ZHX2: variants seen among roughly 807,000 people sequenced by gnomAD.
ZHX2 encodes the protein zinc fingers and homeoboxes 2.
A neutral mutation model predicts 21.9 loss-of-function variants in ZHX2; 6 were observed. That is an observed-to-expected ratio of 0.27 (90% confidence interval 0.15 to 0.54). The LOEUF (loss-of-function observed/expected upper bound fraction) is 0.54, where lower values mean the gene tolerates loss of function less well. Ranked by LOEUF, ZHX2 falls within the 20% of genes least tolerant of loss-of-function variation. ZHX2 has a pLI of 0.95. For synonymous variants in ZHX2, 434 were observed against 437.1 expected (o/e 0.99, Z 0.09); for missense variants, 908 against 1,090.7 (o/e 0.83, Z 2.36).
intron 2 of ZHX2, among the ~76,000 whole-genome samples, chr8:122,881,146 C>T (rs934442026): frequency 2.0e-5 from 3 of 152,154 alleles, no homozygotes; most frequent in East Asian, 1.9e-4. Context: ...CTGCAGGATC[C>T]GTGCGGGAGC....
In ZHX2 at chr8:122,951,442, G is replaced by A. The variant is rs759735795; in HGVS notation, c.-69G>A. On this transcript the variant is annotated 5_prime_UTR_variant, in exon 3 of 4. Coordinates refer to ENST00000314393, the MANE Select transcript of ZHX2 (RefSeq NM_014943.5). ...AAGCCAAAAGCCTTTCACCTTATTC[G>A]TTCCAAGAATCTCACCGCCCCCTCC... The A allele has an allele frequency of 1.8e-4, 248 of 1,397,192 alleles. No homozygotes were observed. The highest frequency in any genetic ancestry group is 9.0e-5 in the Admixed American group (4 of 44,648). 86.5% of individuals were successfully genotyped at this position (1,397,192 alleles called of 1,614,324 possible).
At position 122,910,032 on chromosome 8, in the gene ZHX2, C is replaced by T. The variant is rs182561648; in HGVS notation, c.-219-41260C>T. Among the ~76,000 whole-genome samples, 155 of 152,140 alleles carry T rather than the reference C, an allele frequency of 1.0e-3. 1 individual carries two copies. Among genetic ancestry groups the T allele is most frequent in the Non-Finnish European group, 1.1e-3 (76 of 68,010 alleles). ...TGCCCCTGAGCCTCTGCTGTTCTGT[C>T]TACTCAGACATCCTCCTTCCCTCTC... On this transcript the variant is annotated intron_variant, in intron 2 of 3. Coordinates refer to ENST00000314393, the MANE Select transcript of ZHX2 (RefSeq NM_014943.5).
chr8:122,894,097 C>T (rs1344041580), intron 2 of ZHX2, among the ~76,000 whole-genome samples: 3 of 152,222 alleles, frequency 2.0e-5, no homozygotes, highest in South Asian at 4.1e-4. Flanking sequence ...GAAGTGCCTA[C>T]AAGTGCTTTA....
At position 122,782,502 on chromosome 8, in the gene ZHX2, C is replaced by A. The variant is rs372582313; in HGVS notation, c.-283+556C>A. 6.6e-6 allele frequency among the ~76,000 whole-genome samples: 1 copy of A among 152,068 alleles called. No individual in the cohort carries two copies. Among genetic ancestry groups the A allele is most frequent in the Non-Finnish European group, 1.5e-5 (1 of 67,978 alleles). On this transcript the variant is annotated intron_variant, in intron 1 of 3. Coordinates refer to ENST00000314393, the MANE Select transcript of ZHX2 (RefSeq NM_014943.5). This position sits in a 1 kb window ranked among gnomAD's most constrained non-coding sequence, Gnocchi z 5.3. ...AGGCGGGGGGCTGCGTGTGTCTGCT[C>A]CCCTCCCTCCCCCTCTCCCCTCGCT... is the stretch of plus-strand genomic sequence containing the variant.
At chr8:122,958,387 T>C (rs916912509) in intron 3 of ZHX2, among the ~76,000 whole-genome samples, 3 of 152,196 alleles carry the variant, frequency 2.0e-5, no homozygotes, top group African/African-American at 7.2e-5. Context: ...TTCAGAAAAA[T>C]GAGTCAACGT....
At chr8:122,897,015 A>G (rs1220539353) in intron 2 of ZHX2, among the ~76,000 whole-genome samples, 2 of 152,214 alleles carry the variant, frequency 1.3e-5, no homozygotes, top group Non-Finnish European at 2.9e-5. Flanking sequence ...CCAGATACCT[A>G]GGGTATGGGA....
At chr8:122,825,141 A>G (rs1471442652) in intron 1 of ZHX2, among the ~76,000 whole-genome samples, 3 of 152,200 alleles carry the variant, frequency 2.0e-5, no homozygotes, top group Non-Finnish European at 4.4e-5. Context: ...CAAGTTCTGG[A>G]GATTGGAATG....
intron 1 of ZHX2, among the ~76,000 whole-genome samples, chr8:122,847,989 T>A (rs2130731662): frequency 1.3e-5 from 2 of 152,280 alleles, no homozygotes; most frequent in South Asian, 4.1e-4. Flanking sequence ...TCCAAACTCA[T>A]CTTGGACAAG....
chr8:122,825,290 C>G (rs918833620), intron 1 of ZHX2, among the ~76,000 whole-genome samples: 1 of 152,168 alleles, frequency 6.6e-6, no homozygotes, highest in Admixed American at 6.5e-5. Context: ...TGTCACAGTA[C>G]TTGTCACATT....
intron 2 of ZHX2, among the ~76,000 whole-genome samples, chr8:122,887,490 C>G (rs1819872870): frequency 6.6e-6 from 1 of 152,060 alleles, no homozygotes; most frequent in Non-Finnish European, 1.5e-5. Flanking sequence ...TGCACTCCAG[C>G]CTGGGTGACA....
chr8:122,803,896 G>A (rs571999896), intron 1 of ZHX2, among the ~76,000 whole-genome samples: 2 of 152,260 alleles, frequency 1.3e-5, no homozygotes, highest in Admixed American at 6.5e-5. Flanking sequence ...TGGGCGGCCT[G>A]TTTGAGACTC....
At chr8:122,879,183 G>T (rs968614060) in intron 2 of ZHX2, among the ~76,000 whole-genome samples, 2 of 152,140 alleles carry the variant, frequency 1.3e-5, no homozygotes, top group South Asian at 4.1e-4. Context: ...TGAAAGAAAG[G>T]CCTAAGGGTT....
At chr8:122,820,474 C>T (rs1044639368) in intron 1 of ZHX2, among the ~76,000 whole-genome samples, 6 of 152,186 alleles carry the variant, frequency 3.9e-5, no homozygotes, top group Admixed American at 2.6e-4. Context: ...CCTCCCTCCC[C>T]TTCAAGCTTG....
At position 122,953,632 on chromosome 8, in the gene ZHX2, G is replaced by A. The variant is rs780778395; in HGVS notation, c.2122G>A (p.Val708Ile). Residue 708 changes from valine (V) to isoleucine (I), a missense_variant, in exon 3 of 4, where the codon GTA (valine) becomes ATA (isoleucine). Physicochemically the swap from Val to Ile is conservative, Grantham distance 29. Transcript: ENST00000314393. This position sits in a 1 kb window ranked among gnomAD's most constrained non-coding sequence, Gnocchi z 4.6. ...GGCAGATGATCACGGCTACGATGCCGTAGCAAGGAAAGCAACAAAACCCAT... is the reference window on the plus strand; with the variant it reads ...GGCAGATGATCACGGCTACGATGCCATAGCAAGGAAAGCAACAAAACCCAT... ...PMADDHGYDA[V>I]ARKATKPMAE... 95 of 1,614,082 alleles carry A rather than the reference G, an allele frequency of 5.9e-5. 1 individual carries two copies. The highest frequency in any genetic ancestry group is 4.9e-4 in the Middle Eastern group (3 of 6,084).
chr8:122,876,757 T>C (rs1001724612), intron 2 of ZHX2, among the ~76,000 whole-genome samples: 1 of 152,230 alleles, frequency 6.6e-6, no homozygotes, highest in African/African-American at 2.4e-5. Flanking sequence ...CTTCCCGTCT[T>C]GAATCGAGTT....
intron 2 of ZHX2, among the ~76,000 whole-genome samples, chr8:122,916,662 A>C (rs1820610901): frequency 6.6e-6 from 1 of 152,036 alleles, no homozygotes; most frequent in South Asian, 2.1e-4. Context: ...AAGCCCAAGT[A>C]GTTTCCTTCC....
intron 2 of ZHX2, among the ~76,000 whole-genome samples, chr8:122,889,385 A>G (rs1377824834): frequency 6.6e-6 from 1 of 152,192 alleles, no homozygotes; most frequent in South Asian, 2.1e-4. Flanking sequence ...CCTCACCAGC[A>G]TTTGTTATTT....
At chr8:122,960,407 G>A (rs1249653924) in intron 3 of ZHX2, among the ~76,000 whole-genome samples, 1 of 152,062 alleles carries the variant, frequency 6.6e-6, no homozygotes, top group East Asian at 1.9e-4. Flanking sequence ...GTATAGTGGT[G>A]CATGCCTGTA....
chr8:122,926,385 C>G (rs1360731339), intron 2 of ZHX2, among the ~76,000 whole-genome samples: 1 of 152,134 alleles, frequency 6.6e-6, no homozygotes, highest in Admixed American at 6.5e-5. Context: ...AAGGCTATGT[C>G]CTGCACTAGG....
Sources: allele counts gnomAD v4.1 joint callset (sites outside exome capture counted in the v4.1 genomes callset), GRCh38; gene constraint gnomAD v4.1.1; non-coding constraint Gnocchi (gnomAD v3.1); transcripts MANE v1.5; gene names NCBI Gene and HGNC (gene_info 2026-07-23, HGNC 2026-07-21).